Variants in CLTCL1 observed in about 807,000 individuals in gnomAD.
The protein encoded by CLTCL1 is clathrin heavy chain like 1.
Under a neutral mutation model 190.0 loss-of-function variants are expected in CLTCL1, and 159 were observed. The observed-to-expected ratio is 0.84, with a 90% confidence interval of 0.74 to 0.95. CLTCL1 has a LOEUF of 0.95. CLTCL1 is among the 40% of genes least tolerant of loss of function. The pLI is 0.00. For synonymous variants in CLTCL1, 752 were observed against 769.6 expected, an observed-to-expected ratio of 0.98 and a Z score of 0.38; for missense variants, 1,878 against 2,033.4, an observed-to-expected ratio of 0.92 and a Z score of 1.47.
At chr22:19,277,517 T>C (rs1242946433) in intron 1 of CLTCL1, among the ~76,000 whole-genome samples, 1 of 152,014 alleles carries the variant, frequency 6.6e-6, no homozygotes, top group Non-Finnish European at 1.5e-5. Flanking sequence ...AAAACACATA[T>C]AACAGCAAAA....
At chr22:19,260,502 G>A (rs8138584) in intron 2 of CLTCL1, among the ~76,000 whole-genome samples, 19,113 of 149,268 alleles carry the variant, frequency 0.13, 1,532 homozygotes, top group African/African-American at 0.23. Context: ...TTGACTGGGC[G>A]CAGTGGCTCA....
chr22:19,208,399 A>C (rs781811705), intron 21 of CLTCL1, 88 bp from the exon 22 acceptor site: 23 of 1,464,304 alleles, frequency 1.6e-5, no homozygotes, highest in Middle Eastern at 2.4e-4. Context: ...TCAGCCAGAC[A>C]CATTTACCCT....
intron 19 of CLTCL1, 24 bp downstream of exon 19, chr22:19,216,087 C>CA (rs782782547): frequency 3.0e-5 from 49 of 1,611,110 alleles, no homozygotes; most frequent in Non-Finnish European, 5.1e-6. Flanking sequence ...CCTGTGTCCA[C>CA]AGCTACCCCT....
rs913924655 is a variant in CLTCL1 at position 19,273,063 on chromosome 22, G to A, written c.250+2560C>T. 9.9e-5 allele frequency among the ~76,000 whole-genome samples: 15 copies of A among 152,110 alleles called. 1 individual carries two copies. The highest frequency in any genetic ancestry group is 9.8e-4 in the Admixed American group (15 of 15,262). ...GGTGCAGCACCCCCCCACACACCCTGTATTTCTGCACTGGATCCTAGAAGC... is the reference window on the plus strand; with the variant it reads ...GGTGCAGCACCCCCCCACACACCCTATATTTCTGCACTGGATCCTAGAAGC... On this transcript the variant is annotated intron_variant, in intron 2 of 32. Coordinates refer to ENST00000427926, the MANE Select transcript of CLTCL1 (RefSeq NM_007098.4).
At chr22:19,190,940 G>A (rs1263202045) in intron 27 of CLTCL1, among the ~76,000 whole-genome samples, 2 of 152,080 alleles carry the variant, frequency 1.3e-5, no homozygotes, top group Non-Finnish European at 2.9e-5. Flanking sequence ...ACCACGCCCA[G>A]CTAATTTTTG....
chr22:19,258,802 A>G, intron 2 of CLTCL1: 1 of 679,636 alleles, frequency 1.5e-6, no homozygotes, highest in Non-Finnish European at 2.7e-6. Flanking sequence ...GTTCTGAGGA[A>G]TTGAGCCAGC....
intron 1 of CLTCL1, among the ~76,000 whole-genome samples, chr22:19,280,282 A>G (rs1199812508): frequency 6.6e-6 from 1 of 152,202 alleles, no homozygotes; most frequent in Non-Finnish European, 1.5e-5. Context: ...AAAGCATTTG[A>G]AACAAATAGA....
At chr22:19,188,204 G>GAT in intron 27 of CLTCL1, 113 bp from the exon 28 acceptor site, 1 of 903,328 alleles carries the variant, frequency 1.1e-6, no homozygotes, top group South Asian at 1.4e-5. Context: ...CAGCTCTGGA[G>GAT]CCAAGGGCAC....
rs782689324 is a variant in CLTCL1 at position 19,242,930 on chromosome 22, G to C, written c.526C>G (p.Arg176Gly). 1.9e-6 allele frequency: 3 copies of C among 1,612,548 alleles called. No homozygotes were observed. The highest frequency in any genetic ancestry group is 1.3e-5 in the African/African-American group (1 of 74,802). Residue 176 changes from arginine to glycine, a missense_variant, in exon 4 of 33, where the codon CGT (arginine) becomes GGT (glycine). Physicochemically the swap from Arg to Gly is moderately radical, Grantham distance 125 (BLOSUM62 -2). Transcript: ENST00000427926. The stretch of plus-strand genomic sequence containing the variant: ...TAGAGCTGCATTGCTCCAACCACAC[G>C]GTTTTGCTAAGAAAAGATATTATGC... ...LLVGISAQQN[R>G]VVGAMQLYSV...
At chr22:19,246,344 GCCA>G (rs1263681306) in intron 3 of CLTCL1, among the ~76,000 whole-genome samples, 1 of 152,114 alleles carries the variant, frequency 6.6e-6, no homozygotes, top group African/African-American at 2.4e-5. Flanking sequence ...ACAGGTGTGA[GCCA>G]CCACGCCTGG....
At chr22:19,283,583 A>G (rs1738501342) in intron 1 of CLTCL1, among the ~76,000 whole-genome samples, 1 of 152,112 alleles carries the variant, frequency 6.6e-6, no homozygotes, top group Non-Finnish European at 1.5e-5. Flanking sequence ...ACTGGACCTT[A>G]GCTACACATT....
chr22:19,252,962 C>T (rs1190558020), intron 3 of CLTCL1, among the ~76,000 whole-genome samples: 6 of 145,928 alleles, frequency 4.1e-5, no homozygotes, highest in Admixed American at 7.1e-5. Context: ...TGCAGTGAGC[C>T]GAGATCGCGC....
chr22:19,254,291 T>C (rs2086685290), intron 2 of CLTCL1, 64 bp from the exon 3 acceptor site: 3 of 1,333,566 alleles, frequency 2.2e-6, no homozygotes, highest in South Asian at 2.7e-5. Context: ...CAAATTCATA[T>C]ACTCTTAATT....
intron 19 of CLTCL1, among the ~76,000 whole-genome samples, chr22:19,215,325 C>T (rs2085348603): frequency 1.3e-5 from 2 of 152,212 alleles, no homozygotes; most frequent in South Asian, 4.1e-4. Context: ...CCTTTCTGGC[C>T]TACAAAATAA....
At chr22:19,207,393 C>G in intron 22 of CLTCL1, 1 of 393,724 alleles carries the variant, frequency 2.5e-6, no homozygotes. Context: ...TTGTAGTAAA[C>G]AGAACGCCTG....
At position 19,196,421 on chromosome 22, in the gene CLTCL1, C is replaced by T; in HGVS notation, c.4042-6G>A. On this transcript the variant is annotated splice_region_variant and splice_polypyrimidine_tract_variant and intron_variant, in intron 25 of 32. Coordinates refer to ENST00000427926, the MANE Select transcript of CLTCL1 (RefSeq NM_007098.4). The stretch of plus-strand genomic sequence containing the variant: ...TGCTCTGCAGCCCTCAGCACCTGGA[C>T]AAGGAGGTCAGGGTCGGCTTGTGCT... The T allele has an allele frequency of 6.2e-7, 1 of 1,613,992 alleles. No homozygotes were observed. Among genetic ancestry groups the T allele is most frequent in the Non-Finnish European group, 8.5e-7 (1 of 1,179,878 alleles).
At chr22:19,194,439 G>A (rs782279477) in intron 26 of CLTCL1, among the ~76,000 whole-genome samples, 9 of 152,140 alleles carry the variant, frequency 5.9e-5, no homozygotes, top group South Asian at 2.1e-4. Flanking sequence ...CCAAGATCGC[G>A]CCACTGCACT....
chr22:19,207,601 C>A (rs2085091537), intron 22 of CLTCL1: 3 of 408,842 alleles, frequency 7.3e-6, no homozygotes, highest in African/African-American at 6.2e-5. Context: ...CGGACCGCTG[C>A]TGGTCTGTGG....
At chr22:19,214,462 CCTA>C (rs1449375091) in intron 19 of CLTCL1, among the ~76,000 whole-genome samples, 2 of 152,060 alleles carry the variant, frequency 1.3e-5, no homozygotes, top group African/African-American at 4.8e-5. Context: ...ACAACTTTTC[CCTA>C]CTAATTTTTT....
Sources: gnomAD v4.1 joint callset for allele counts (sites outside exome capture counted in the v4.1 genomes callset) on GRCh38, gnomAD v4.1.1 for gene constraint, MANE v1.5 for transcripts, NCBI Gene and HGNC (gene_info 2026-07-23, HGNC 2026-07-21) for gene names.